SLC9A6: variants seen among roughly 807,000 people sequenced by gnomAD.
SLC9A6 encodes the protein sodium/hydrogen exchanger 6.
A neutral mutation model predicts 45.3 loss-of-function variants in SLC9A6; 6 were observed. The observed-to-expected ratio is 0.13, with a 90% CI of 0.07 to 0.26. The LOEUF (loss-of-function observed/expected upper bound fraction) is 0.26, where lower values mean the gene tolerates loss of function less well. SLC9A6 is among the 10% of genes least tolerant of loss of function. The pLI is 1.00. For synonymous variants in SLC9A6, 191 were observed against 187.7 expected, an observed-to-expected ratio of 1.02 and a Z score of -0.14; for missense variants, 278 against 503.7, an observed-to-expected ratio of 0.55 and a Z score of 4.29.
intron 8 of SLC9A6, 128 bp from the exon 9 acceptor site, chrX:136,012,821 T>G (rs2070948674): frequency 1.8e-6 from 1 of 552,796 alleles, no homozygotes; most frequent in Admixed American, 2.3e-5. Flanking sequence ...TGGTGGTACC[T>G]TATTCTGAGA....
In SLC9A6 at chrX:136,044,705, C is replaced by T. The variant is rs886044780; in HGVS notation, c.2021C>T (p.Thr674Met). The T allele has an allele frequency of 1.8e-5, 22 of 1,208,739 alleles. No homozygotes were observed. In the Middle Eastern group the frequency reaches 1.1e-3, roughly 63 times the overall value. ...CCCCCGCTAAATTTGTTAGATAATA[C>T]GAGACATGGTCCAGCCTAAGCTTAC... ...SEPPLNLLDNTRHGPA is the reference protein window; with the variant it reads ...SEPPLNLLDNMRHGPA The change falls in exon 18 of 18, where the codon ACG becomes ATG. Residue 674 changes from threonine to methionine, a missense_variant. Coordinates refer to ENST00000630721, the MANE Select transcript of SLC9A6 (RefSeq NM_001379110.1).
At chrX:136,003,731 A>C (rs1054410489) in intron 7 of SLC9A6, among the ~76,000 whole-genome samples, 2 of 112,234 alleles carry the variant, frequency 1.8e-5, no homozygotes, top group Non-Finnish European at 3.8e-5. Context: ...AGCACTTCGC[A>C]CTTTCACCAT....
At chrX:136,034,758 T>C (rs1395543679) in intron 16 of SLC9A6, among the ~76,000 whole-genome samples, 1 of 111,953 alleles carries the variant, frequency 8.9e-6, no homozygotes, top group Non-Finnish European at 1.9e-5. Context: ...AATTAAATTA[T>C]TGTATGGAAA....
intron 11 of SLC9A6, among the ~76,000 whole-genome samples, chrX:136,020,212 T>C (rs1257827020): frequency 8.9e-6 from 1 of 111,861 alleles, no homozygotes; most frequent in East Asian, 2.8e-4. Context: ...AGGAAGTTGC[T>C]ATGAGCAAGG....
At chrX:136,001,336 CAAAAAAAAAAA>C (rs569372174) in intron 6 of SLC9A6, among the ~76,000 whole-genome samples, 8 of 23,612 alleles carry the variant, frequency 3.4e-4, no homozygotes, top group African/African-American at 1.2e-3. Flanking sequence ...GACTCCATCT[CAAAAAAAAAAA>C]AAAAAAAAAA....
At position 136,013,320 on chromosome X, in the gene SLC9A6, T is replaced by C. The variant is rs1432756978; in HGVS notation, c.992-29T>C. ...ATAAAAGGTGGGAACCATCCTTTTA[T>C]GTGAACTTGGAATTTGTTGTCTTTA... is the stretch of plus-strand genomic sequence containing the variant. On this transcript the variant is annotated intron_variant, in intron 9 of 17. Coordinates refer to ENST00000630721, the MANE Select transcript of SLC9A6 (RefSeq NM_001379110.1). 5 of 1,115,414 alleles carry C rather than the reference T, an allele frequency of 4.5e-6. No homozygotes were observed. In the African/African-American group the frequency reaches 7.2e-5, roughly 16 times the overall value. 91.9% of individuals were successfully genotyped at this position (1,115,414 alleles called of 1,213,427 possible).
intron 2 of SLC9A6, among the ~76,000 whole-genome samples, chrX:135,994,084 G>T (rs2089467791): frequency 1.8e-5 from 2 of 109,943 alleles, no homozygotes; most frequent in African/African-American, 6.6e-5. Context: ...ATAAATTGAT[G>T]AATGGAGGTG....
intron 7 of SLC9A6, among the ~76,000 whole-genome samples, chrX:136,005,725 C>T (rs988102574): frequency 9.2e-6 from 1 of 109,245 alleles, no homozygotes; most frequent in Admixed American, 9.8e-5. Context: ...GCATTTCTCA[C>T]AAAGGGCCAT....
chrX:135,982,409 G>A (rs782644764), upstream of SLC9A6, among the ~76,000 whole-genome samples: 1 of 106,927 alleles, frequency 9.4e-6, no homozygotes, highest in East Asian at 2.9e-4. Context: ...GGTTGGGGGG[G>A]GCGGTGATTG....
upstream of SLC9A6, among the ~76,000 whole-genome samples, chrX:135,984,585 G>A (rs2089305005): frequency 8.9e-6 from 1 of 111,788 alleles, no homozygotes. Flanking sequence ...TGAAAATTCT[G>A]GTGAGAGAGG....
At chrX:135,995,089 G>A (rs782475276) in intron 3 of SLC9A6, 104 bp downstream of exon 3, 238 of 538,086 alleles carry the variant, frequency 4.4e-4, no homozygotes, top group Non-Finnish European at 6.4e-4. Context: ...TTAAAATAAT[G>A]AGTCTTTTTC....
In SLC9A6 at chrX:136,046,651, G is replaced by T. The variant is rs1798332505; in HGVS notation, c.*1927G>T. 8.9e-6 allele frequency: 1 copy of T among 112,620 alleles called. No homozygotes were observed. The highest frequency in any genetic ancestry group is 3.2e-5 in the African/African-American group (1 of 30,912). 9.3% of individuals were successfully genotyped at this position (112,620 alleles called of 1,213,427 possible). ...TCAGCATGCATAAGACTTTTCACTA[G>T]GGAAACTGATAAAGCTTGAGTCAAC... On this transcript the variant is annotated 3_prime_UTR_variant, in exon 18 of 18. Coordinates refer to ENST00000630721, the MANE Select transcript of SLC9A6 (RefSeq NM_001379110.1).
intron 12 of SLC9A6, 67 bp downstream of exon 12, chrX:136,022,764 G>A (rs1373667696): frequency 2.1e-5 from 12 of 582,364 alleles, no homozygotes; most frequent in Non-Finnish European, 3.5e-5. Flanking sequence ...CCAGCTTGAT[G>A]TAACACTGAG....
At position 136,015,777 on chromosome X, in the gene SLC9A6, A is replaced by T. The variant is rs2071007496; in HGVS notation, c.1081-868A>T. Among the ~76,000 whole-genome samples the T allele has an allele frequency of 2.7e-5, 3 of 111,537 alleles. No homozygotes were observed. In the Admixed American group the frequency reaches 2.9e-4, roughly 11 times the overall value. On this transcript the variant is annotated intron_variant, in intron 10 of 17. Transcript: ENST00000630721. ...AACCCTGGTTTAAAGAGATTAACTA[A>T]TTTGCCCAAAGCCACACAGCCAGCA...
chrX:136,032,292 G>A (rs1022990805), intron 15 of SLC9A6, among the ~76,000 whole-genome samples: 4 of 111,948 alleles, frequency 3.6e-5, no homozygotes, highest in East Asian at 2.8e-4. Flanking sequence ...GGCTGGACTC[G>A]AACTCCTGAC....
rs1057523594 is a variant in SLC9A6 at position 135,985,700 on chromosome X, C to T, written c.42C>T (p.Ser14=). The change falls in exon 2 of 18, where the codon AGC becomes AGT. Residue 14 remains serine (S), a synonymous_variant. Coordinates refer to ENST00000630721, the MANE Select transcript of SLC9A6 (RefSeq NM_001379110.1). ...TGTCCGAGAAGCAAGCCGAGGAGAG[C>T]CACCGGCAGGACAGCGCCAACCTGC... ...EIVSEKQAEE[S]HRQDSANLLI... is the part of the protein sequence containing the mutation. 2.5e-6 allele frequency: 3 copies of T among 1,211,887 alleles called. No homozygotes were observed. Among genetic ancestry groups the T allele is most frequent in the Non-Finnish European group, 2.2e-6 (2 of 895,484 alleles).
chrX:136,007,756 G>A (rs2089680278), intron 7 of SLC9A6, among the ~76,000 whole-genome samples: 1 of 111,321 alleles, frequency 9.0e-6, no homozygotes, highest in Non-Finnish European at 1.9e-5. Flanking sequence ...TTGGGTGGAT[G>A]CATTACAAAT....
Position 136,044,740 on chromosome X carries a change from C to G in SLC9A6, c.*16C>G, listed in dbSNP as rs1057522565. On this transcript the variant is annotated 3_prime_UTR_variant, in exon 18 of 18. Transcript: ENST00000630721. ...TCCAGCCTAAGCTTACTAATACTCA[C>G]TTAGTGATTTGTAAAATTTGCACAT... 3 of 1,203,045 alleles carry G rather than the reference C, an allele frequency of 2.5e-6. No individual in the cohort carries two copies. The highest frequency in any genetic ancestry group is 1.8e-5 in the African/African-American group (1 of 57,073).
intron 11 of SLC9A6, among the ~76,000 whole-genome samples, chrX:136,019,567 G>A (rs1333863183): frequency 3.6e-5 from 4 of 112,405 alleles, no homozygotes; most frequent in African/African-American, 6.5e-5. Context: ...CACATGTTTC[G>A]TGGTTACATT....
Sources: gnomAD v4.1 joint callset for allele counts (sites outside exome capture counted in the v4.1 genomes callset) on GRCh38, gnomAD v4.1.1 for gene constraint, MANE v1.5 for transcripts, NCBI Gene and HGNC (gene_info 2026-07-23, HGNC 2026-07-21) for gene names.